The following GHR variants were observed in gnomAD, a reference collection of about 807,000 sequenced individuals.
GHR encodes GH receptor.
A neutral mutation model predicts 67.1 loss-of-function variants in GHR; 35 were observed. The ratio of observed to expected loss-of-function variants is 0.52; its 90% CI spans 0.40 to 0.69. GHR has a LOEUF of 0.69. Among genes scored for constraint, GHR ranks in the 30% least tolerant of loss-of-function variants. GHR has a pLI of 0.00. For synonymous variants in GHR, 272 were observed against 269.1 expected (o/e 1.01, Z -0.10); for missense variants, 792 against 764.6 (o/e 1.04, Z -0.42).
chr5:42,617,412 AC>A, intron 2 of GHR, among the ~76,000 whole-genome samples: 1 of 151,848 alleles, frequency 6.6e-6, no homozygotes, highest in Non-Finnish European at 1.5e-5. Flanking sequence ...ACACACACAC[AC>A]ACACACACAC....
At chr5:42,455,619 G>A (rs1744228364) in intron 1 of GHR, among the ~76,000 whole-genome samples, 1 of 152,114 alleles carries the variant, frequency 6.6e-6, no homozygotes, top group Non-Finnish European at 1.5e-5. Context: ...TATTTACTGA[G>A]GTGCTAAAAG....
In GHR at chr5:42,699,884, T is replaced by G; in HGVS notation, c.500T>G (p.Ile167Ser). The part of the protein sequence containing the change: ...WTLLNVSLTG[I>S]HADIQVRWEA... ...TTACTGAACGTCAGTTTAACTGGGA[T>G]TCATGCAGATATCCAAGTGAGATGG... Residue 167 changes from isoleucine (I) to serine (S), a missense_variant, in exon 6 of 10, where the codon ATT becomes AGT. By Grantham distance (142) the Ile-to-Ser change is moderately radical. Transcript: ENST00000230882. 1 of 1,608,044 alleles carries G rather than the reference T, an allele frequency of 6.2e-7. No homozygotes were observed. The highest frequency in any genetic ancestry group is 8.5e-7 in the Non-Finnish European group (1 of 1,174,548).
chr5:42,627,373 C>T (rs369415211), intron 2 of GHR, among the ~76,000 whole-genome samples: 2 of 152,152 alleles, frequency 1.3e-5, no homozygotes, highest in East Asian at 1.9e-4. Flanking sequence ...TTTTCATTTG[C>T]TGTGATTTGT....
intron 1 of GHR, among the ~76,000 whole-genome samples, chr5:42,474,257 C>CAGACAGAAAGAAAGAAAGAAAGAA (rs1182799025): frequency 8.7e-4 from 77 of 88,038 alleles, no homozygotes; most frequent in Middle Eastern, 5.3e-3. Context: ...GAAAGACAGA[C>CAGACAGAAAGAAAGAAAGAAAGAA]AGAAAGAAAG....
intron 1 of GHR, among the ~76,000 whole-genome samples, chr5:42,530,634 CA>C (rs1380968301): frequency 6.6e-6 from 1 of 151,742 alleles, no homozygotes; most frequent in Non-Finnish European, 1.5e-5. Flanking sequence ...TTTTTCTTAA[CA>C]CTGATGAAAC....
At chr5:42,454,047 T>C (rs566983799) in intron 1 of GHR, among the ~76,000 whole-genome samples, 2 of 152,336 alleles carry the variant, frequency 1.3e-5, no homozygotes, top group African/African-American at 4.8e-5. Flanking sequence ...AGAGCCAGAT[T>C]GCAGTGACTG....
intron 1 of GHR, chr5:42,468,128 G>A (rs1420754441): frequency 1.4e-5 from 18 of 1,253,098 alleles, no homozygotes; most frequent in African/African-American, 3.0e-5. Context: ...CTTGGTTTCA[G>A]CACCTTTTCT....
At chr5:42,495,157 A>G (rs72753093) in intron 1 of GHR, among the ~76,000 whole-genome samples, 10,777 of 151,866 alleles carry the variant, frequency 0.071, 472 homozygotes, top group African/African-American at 0.11. Flanking sequence ...GTTCTTTCTT[A>G]TAAGTAAGCA....
intron 1 of GHR, among the ~76,000 whole-genome samples, chr5:42,427,602 C>A (rs1453224412): frequency 6.6e-6 from 1 of 152,166 alleles, no homozygotes; most frequent in Non-Finnish European, 1.5e-5. Context: ...TCTCACATTT[C>A]AAAACCAATC....
At chr5:42,634,490 C>T (rs1055638228) in intron 3 of GHR, among the ~76,000 whole-genome samples, 4 of 151,418 alleles carry the variant, frequency 2.6e-5, no homozygotes, top group Non-Finnish European at 5.9e-5. Flanking sequence ...TTGACATATG[C>T]TGAGTATTTC....
chr5:42,464,009 A>G (rs965559886), intron 1 of GHR, among the ~76,000 whole-genome samples: 111 of 142,692 alleles, frequency 7.8e-4, no homozygotes, highest in African/African-American at 2.8e-3. Context: ...AAAAAAAAAA[A>G]AAAAAAAGAA....
intron 1 of GHR, among the ~76,000 whole-genome samples, chr5:42,538,388 CA>C (rs2112368067): frequency 6.6e-6 from 1 of 152,342 alleles, no homozygotes; most frequent in Non-Finnish European, 1.5e-5. Flanking sequence ...CCAATTCTCT[CA>C]GCATTTGTTC....
intron 1 of GHR, among the ~76,000 whole-genome samples, chr5:42,504,873 A>T (rs1561081867): frequency 6.6e-6 from 1 of 152,212 alleles, no homozygotes; most frequent in Non-Finnish European, 1.5e-5. Flanking sequence ...TATATTCTGG[A>T]TCTCTTCATT....
At chr5:42,554,028 T>G (rs1408777559) in intron 1 of GHR, among the ~76,000 whole-genome samples, 1 of 152,176 alleles carries the variant, frequency 6.6e-6, no homozygotes, top group Non-Finnish European at 1.5e-5. Flanking sequence ...ATGAGTTCTG[T>G]TGCCACAAAA....
chr5:42,430,607 CGTGT>C (rs141602161), intron 1 of GHR, among the ~76,000 whole-genome samples: 16 of 147,514 alleles, frequency 1.1e-4, no homozygotes, highest in Non-Finnish European at 1.8e-4. Context: ...ATGCTAGTCC[CGTGT>C]GTGTGTGTGT....
intron 1 of GHR, among the ~76,000 whole-genome samples, chr5:42,425,457 T>C (rs972301500): frequency 2.0e-5 from 3 of 152,188 alleles, no homozygotes; most frequent in Admixed American, 6.5e-5. Context: ...ACCCTAGAAG[T>C]GTCTTTTTTC....
chr5:42,542,585 C>A (rs1457787131), intron 1 of GHR, among the ~76,000 whole-genome samples: 2 of 152,040 alleles, frequency 1.3e-5, no homozygotes, highest in African/African-American at 2.4e-5. Flanking sequence ...TGATTCTTAT[C>A]TTCCTGCAAA....
chr5:42,636,711 G>T (rs1754212277), intron 3 of GHR, among the ~76,000 whole-genome samples: 1 of 152,068 alleles, frequency 6.6e-6, no homozygotes, highest in African/African-American at 2.4e-5. Context: ...TTATTATTTA[G>T]GTGTAACCAG....
intron 3 of GHR, among the ~76,000 whole-genome samples, chr5:42,632,903 G>A (rs763867019): frequency 3.3e-5 from 5 of 152,190 alleles, no homozygotes; most frequent in African/African-American, 4.8e-5. Context: ...GAGAAGAATA[G>A]GAAGAGTTAC....
Sources: gnomAD v4.1 joint callset for allele counts (sites outside exome capture counted in the v4.1 genomes callset) on GRCh38, gnomAD v4.1.1 for gene constraint, MANE v1.5 for transcripts, NCBI Gene and HGNC (gene_info 2026-07-23, HGNC 2026-07-21) for gene names.